The following ADAM29 variants were observed in gnomAD, a reference collection of about 807,000 sequenced individuals.
ADAM29 encodes the protein ADAM metallopeptidase domain 29, also known as disintegrin and metalloproteinase domain-containing protein 29.
For missense variants in ADAM29, 969 were observed against 1,001.8 expected, an observed-to-expected ratio of 0.97 and a Z score of 0.44; for synonymous variants, 367 against 342.3, an observed-to-expected ratio of 1.07 and a Z score of -0.80.
intron 4 of ADAM29, among the ~76,000 whole-genome samples, chr4:174,968,260 G>A (rs1016696802): frequency 1.3e-5 from 2 of 152,032 alleles, no homozygotes; most frequent in Admixed American, 1.3e-4. Flanking sequence ...ATAATCCAAA[G>A]ACCTATCAAG....
intron 4 of ADAM29, among the ~76,000 whole-genome samples, chr4:174,960,281 T>C (rs1745734274): frequency 1.3e-5 from 2 of 152,102 alleles, no homozygotes; most frequent in Non-Finnish European, 2.9e-5. Context: ...TTCATCACTT[T>C]TTAGTATGAA....
rs556073401 is a variant in ADAM29, at chr4:174,962,434, C to T, written c.-180-12912C>T. ...GGCTGAGGCAGGAGAATGGCGTGAA[C>T]CCGGGAAGCAGAGCTTGCAGTGAGC... On this transcript the variant is annotated intron_variant, in intron 4 of 4. Transcript: ENST00000359240. 6.6e-5 allele frequency among the ~76,000 whole-genome samples: 10 copies of T among 151,744 alleles called. No homozygotes were observed. The East Asian group carries it at 1.9e-3, about 29-fold the overall frequency.
chr4:174,949,292 A>G (rs1745033137), intron 4 of ADAM29, among the ~76,000 whole-genome samples: 1 of 152,162 alleles, frequency 6.6e-6, no homozygotes, highest in Non-Finnish European at 1.5e-5. Flanking sequence ...GAGCATGGCA[A>G]GCTTTGAGGG....
intron 2 of ADAM29, among the ~76,000 whole-genome samples, chr4:174,927,658 C>T (rs1362542269): frequency 6.6e-6 from 1 of 152,132 alleles, no homozygotes; most frequent in Non-Finnish European, 1.5e-5. Flanking sequence ...AACCTGCAGC[C>T]TTGGTGAACT....
intron 4 of ADAM29, among the ~76,000 whole-genome samples, chr4:174,961,270 T>A (rs903709540): frequency 7.3e-5 from 11 of 151,658 alleles, no homozygotes; most frequent in South Asian, 4.1e-4. Context: ...CTGAAGCTCA[T>A]CTTATTTGAT....
chr4:174,940,074 A>G (rs780561380), intron 4 of ADAM29, among the ~76,000 whole-genome samples: 3 of 151,596 alleles, frequency 2.0e-5, no homozygotes, highest in African/African-American at 4.9e-5. Flanking sequence ...TAGATTTTAT[A>G]TAGTTAGGGG....
Position 174,977,012 on chromosome 4 carries a change from A to C in ADAM29, c.1487A>C (p.Lys496Thr). 1 of 1,614,198 alleles carries C rather than the reference A, an allele frequency of 6.2e-7. No individual in the cohort carries two copies. Among genetic ancestry groups the C allele is most frequent in the Middle Eastern group, 1.7e-4 (1 of 6,060 alleles). Residue 496 changes from lysine to threonine, a missense_variant, in exon 5 of 5, where the codon AAG (lysine) becomes ACG (threonine). By Grantham distance (78) the Lys-to-Thr change is moderately conservative (BLOSUM62 -1). Coordinates refer to ENST00000359240, the MANE Select transcript of ADAM29 (RefSeq NM_014269.4). ...AAGGAGAGGGGCTACTGCTATGAAAAGAGCTGTCATGACCGCAATGAACAG... is the reference window on the plus strand; with the variant it reads ...AAGGAGAGGGGCTACTGCTATGAAACGAGCTGTCATGACCGCAATGAACAG... ...PCKERGYCYE[K>T]SCHDRNEQCR...
At chr4:174,948,134 A>C (rs956122184) in intron 4 of ADAM29, among the ~76,000 whole-genome samples, 1 of 152,146 alleles carries the variant, frequency 6.6e-6, no homozygotes, top group African/African-American at 2.4e-5. Flanking sequence ...TTGATGATCC[A>C]TCTACCTTCT....
At chr4:174,939,576 A>C (rs1744409430) in intron 4 of ADAM29, among the ~76,000 whole-genome samples, 1 of 152,200 alleles carries the variant, frequency 6.6e-6, no homozygotes, top group Admixed American at 6.5e-5. Flanking sequence ...GTAAATAATA[A>C]ATGGGTTTTG....
At chr4:174,921,129 A>G (rs1415356582) in intron 2 of ADAM29, among the ~76,000 whole-genome samples, 1 of 152,210 alleles carries the variant, frequency 6.6e-6, no homozygotes, top group Non-Finnish European at 1.5e-5. Context: ...CAGAAAGTAT[A>G]AACAAGATGA....
rs1478751428 is a variant in ADAM29, at chr4:174,977,716, C to G, written c.2191C>G (p.Gln731Glu). The G allele has an allele frequency of 1.9e-6, 3 of 1,613,666 alleles. No individual in the cohort carries two copies. The highest frequency in any genetic ancestry group is 1.1e-5 in the South Asian group (1 of 91,070). The change falls in exon 5 of 5, where the codon CAG (glutamine) becomes GAG (glutamate). Residue 731 changes from glutamine (Q) to glutamate (E), a missense_variant. Gln to Glu is a conservative substitution (Grantham distance 29). Coordinates refer to ENST00000359240, the MANE Select transcript of ADAM29 (RefSeq NM_014269.4). The part of the protein sequence containing the change: ...IQRRPHELPP[Q>E]SQPWVMPSQS... ...GCGTCGACCTCATGAGTTACCTCCCCAGAGTCAACCTTGGGTGATGCCTTC... is the reference window on the plus strand; with the variant it reads ...GCGTCGACCTCATGAGTTACCTCCCGAGAGTCAACCTTGGGTGATGCCTTC...
At chr4:174,937,912 C>A (rs994300230) in intron 4 of ADAM29, among the ~76,000 whole-genome samples, 1 of 151,998 alleles carries the variant, frequency 6.6e-6, no homozygotes, top group Non-Finnish European at 1.5e-5. Context: ...GCAAGTGATA[C>A]AGGTTAGGGC....
chr4:174,923,562 C>G (rs1382771784), intron 2 of ADAM29, among the ~76,000 whole-genome samples: 3 of 82,482 alleles, frequency 3.6e-5, no homozygotes, highest in African/African-American at 9.3e-5. Flanking sequence ...TATATATATA[C>G]ACACACACAT....
chr4:174,966,075 A>G lies in ADAM29; in HGVS notation c.-180-9271A>G, dbSNP rs539705472. Among the ~76,000 whole-genome samples the G allele has an allele frequency of 3.3e-5, 5 of 152,312 alleles. No homozygotes were observed. In the East Asian group the frequency reaches 9.6e-4, roughly 29 times the overall value. ...GCATATAACTTGTGCATGTCCTTTC[A>G]TATACTTTAAATCATCTCTAGATTA... On this transcript the variant is annotated intron_variant, in intron 4 of 4. Transcript: ENST00000359240.
intron 4 of ADAM29, among the ~76,000 whole-genome samples, chr4:174,962,697 C>T (rs1186657475): frequency 1.3e-5 from 2 of 151,616 alleles, no homozygotes; most frequent in Non-Finnish European, 2.9e-5. Flanking sequence ...TTTAACCATC[C>T]CACAACGTAT....
intron 4 of ADAM29, among the ~76,000 whole-genome samples, chr4:174,939,334 A>T (rs968636462): frequency 1.3e-5 from 2 of 152,208 alleles, no homozygotes; most frequent in Admixed American, 1.3e-4. Flanking sequence ...GTCGGCTAAG[A>T]AGAGACTTTA....
intron 3 of ADAM29, among the ~76,000 whole-genome samples, chr4:174,932,149 T>A (rs1743917675): frequency 6.6e-6 from 1 of 151,936 alleles, no homozygotes; most frequent in Non-Finnish European, 1.5e-5. Flanking sequence ...TAGCTAGGTG[T>A]GGTGGCACAT....
intron 2 of ADAM29, among the ~76,000 whole-genome samples, chr4:174,923,525 GTATATATATATATATATATAT>G (rs1743297256): frequency 6.2e-5 from 6 of 96,670 alleles, no homozygotes; most frequent in African/African-American, 1.9e-4. Context: ...TGCATTATAT[GTATATATATATATATATATAT>G]ATATATATAT....
intron 4 of ADAM29, among the ~76,000 whole-genome samples, chr4:174,962,724 C>T (rs1224191570): frequency 2.6e-5 from 4 of 151,902 alleles, no homozygotes; most frequent in Non-Finnish European, 5.9e-5. Context: ...TTCAAAACAT[C>T]ATGCTGTACA....
Sources: gnomAD v4.1 joint callset for allele counts (sites outside exome capture counted in the v4.1 genomes callset) on GRCh38, gnomAD v4.1.1 for gene constraint, MANE v1.5 for transcripts, NCBI Gene and HGNC (gene_info 2026-07-23, HGNC 2026-07-21) for gene names.